Variants in SNTB1 observed in about 807,000 individuals in gnomAD.
SNTB1 encodes the protein syntrophin beta 1.
In SNTB1, 36 loss-of-function variants were observed where a neutral mutation model predicts 48.9. The observed-to-expected ratio is 0.74, with a 90% CI of 0.56 to 0.97. The LOEUF (loss-of-function observed/expected upper bound fraction) is 0.97. SNTB1 is among the 50% of genes least tolerant of loss of function. The pLI, the probability that SNTB1 is intolerant of heterozygous loss-of-function variation, is 0.00. For synonymous variants in SNTB1, 299 were observed against 294.6 expected (o/e 1.01, Z -0.15); for missense variants, 786 against 703.4 (o/e 1.12, Z -1.33).
intron 3 of SNTB1, among the ~76,000 whole-genome samples, chr8:120,590,580 A>G (rs1816222076): frequency 6.6e-6 from 1 of 151,992 alleles, no homozygotes; most frequent in Non-Finnish European, 1.5e-5. Context: ...GGCCCATCAC[A>G]TATGAAAAGA....
At chr8:120,795,503 T>C (rs1161012835) in intron 1 of SNTB1, among the ~76,000 whole-genome samples, 1 of 150,686 alleles carries the variant, frequency 6.6e-6, no homozygotes, top group Non-Finnish European at 1.5e-5. Flanking sequence ...GTGGTGTCAT[T>C]AGATATTTGA....
intron 2 of SNTB1, among the ~76,000 whole-genome samples, chr8:120,664,247 G>C (rs1196848457): frequency 6.6e-6 from 1 of 152,196 alleles, no homozygotes; most frequent in Non-Finnish European, 1.5e-5. Context: ...AGAATGAAGA[G>C]TGGGTATTCC....
chr8:120,740,643 T>C (rs537662825), intron 1 of SNTB1, among the ~76,000 whole-genome samples: 1 of 152,212 alleles, frequency 6.6e-6, no homozygotes, highest in Admixed American at 6.5e-5. Context: ...ACAGTCTCCA[T>C]AGCAGCAAAT....
intron 2 of SNTB1, among the ~76,000 whole-genome samples, chr8:120,687,135 T>C (rs1194510862): frequency 6.6e-6 from 1 of 152,192 alleles, no homozygotes; most frequent in African/African-American, 2.4e-5. Context: ...GGGGCAATAA[T>C]GTACCCCCAA....
At chr8:120,647,138 TG>T (rs1380238902) in intron 2 of SNTB1, among the ~76,000 whole-genome samples, 2 of 138,968 alleles carry the variant, frequency 1.4e-5, no homozygotes, top group African/African-American at 5.4e-5. Context: ...ATTAATTTTT[TG>T]AAGGGTTTTT....
chr8:120,754,763 C>T (rs1386237274), intron 1 of SNTB1, among the ~76,000 whole-genome samples: 1 of 152,068 alleles, frequency 6.6e-6, no homozygotes, highest in African/African-American at 2.4e-5. Context: ...GTGCCCAGGG[C>T]ACAAACAAGA....
intron 3 of SNTB1, among the ~76,000 whole-genome samples, chr8:120,600,300 C>T (rs1397695819): frequency 6.6e-6 from 1 of 152,214 alleles, no homozygotes; most frequent in Admixed American, 6.5e-5. Context: ...TGAGAGAGGC[C>T]CAAGCCATAC....
At chr8:120,571,200 G>C in intron 4 of SNTB1, 1 of 1,248,968 alleles carries the variant, frequency 8.0e-7, no homozygotes, top group Non-Finnish European at 1.0e-6. Context: ...CCTGAGAGTT[G>C]CAGAAACTAC....
chr8:120,669,917 C>T (rs76847677), intron 2 of SNTB1, among the ~76,000 whole-genome samples: 8 of 152,178 alleles, frequency 5.3e-5, no homozygotes, highest in African/African-American at 9.7e-5. Context: ...AGCTAGAAAA[C>T]GACAAGACAT....
intron 2 of SNTB1, among the ~76,000 whole-genome samples, chr8:120,681,049 T>C (rs971836451): frequency 1.3e-4 from 20 of 152,178 alleles, no homozygotes; most frequent in African/African-American, 3.9e-4. Context: ...CAGTGAAACC[T>C]CATTAATTCA....
rs141723031 is a variant in SNTB1 at position 120,691,006 on chromosome 8, G to C, written c.788+2686C>G. On this transcript the variant is annotated intron_variant, in intron 2 of 6. Transcript: ENST00000517992. ...GAACAGGCTCTCCCTCTCCCACAGGGGAAGCCCTATGTATAATCGTCAATG... is the reference window on the plus strand; with the variant it reads ...GAACAGGCTCTCCCTCTCCCACAGGCGAAGCCCTATGTATAATCGTCAATG... Among the ~76,000 whole-genome samples the C allele has an allele frequency of 5.9e-3, 896 of 152,220 alleles. 12 individuals carry two copies. In the Middle Eastern group the frequency reaches 0.095, roughly 16 times the overall value.
chr8:120,632,743 C>G (rs1817005998), intron 2 of SNTB1, 92 bp from the exon 3 acceptor site: 1 of 1,058,584 alleles, frequency 9.4e-7, no homozygotes, highest in East Asian at 2.5e-5. Context: ...ATTCTTTACT[C>G]CTTCTTTTAG....
At chr8:120,540,587 T>C (rs994351167) in intron 6 of SNTB1, among the ~76,000 whole-genome samples, 1 of 152,132 alleles carries the variant, frequency 6.6e-6, no homozygotes, top group Non-Finnish European at 1.5e-5. Context: ...GAATTAGAAA[T>C]AGTCTTAGTA....
At chr8:120,729,009 C>G (rs1286645867) in intron 1 of SNTB1, among the ~76,000 whole-genome samples, 1 of 150,330 alleles carries the variant, frequency 6.7e-6, no homozygotes, top group Non-Finnish European at 1.5e-5. Flanking sequence ...GAAATGGGGT[C>G]TCACCCTGTC....
intron 1 of SNTB1, among the ~76,000 whole-genome samples, chr8:120,725,449 A>G (rs1187279157): frequency 2.0e-5 from 3 of 152,142 alleles, no homozygotes; most frequent in South Asian, 2.1e-4. Context: ...TTTTAGGGGA[A>G]CCCAAACTTT....
intron 1 of SNTB1, among the ~76,000 whole-genome samples, chr8:120,721,472 G>A (rs914171342): frequency 6.6e-6 from 1 of 152,134 alleles, no homozygotes; most frequent in Non-Finnish European, 1.5e-5. Flanking sequence ...AAGATACTGA[G>A]GCTTACATAA....
chr8:120,572,859 G>A (rs1472562780), intron 4 of SNTB1, among the ~76,000 whole-genome samples: 1 of 152,162 alleles, frequency 6.6e-6, no homozygotes, highest in East Asian at 1.9e-4. Context: ...AGGTTGCAGT[G>A]CGCCAAGATA....
chr8:120,543,427 A>G (rs146767767), intron 5 of SNTB1, among the ~76,000 whole-genome samples: 92 of 152,214 alleles, frequency 6.0e-4, no homozygotes, highest in Non-Finnish European at 1.2e-3. Flanking sequence ...CATTTACTCC[A>G]CTCAGCTTTA....
chr8:120,767,500 A>G (rs1819546474), intron 1 of SNTB1, among the ~76,000 whole-genome samples: 1 of 152,238 alleles, frequency 6.6e-6, no homozygotes, highest in Admixed American at 6.5e-5. Context: ...GACCTTGAAA[A>G]TGTTAACAAC....
Sources: gnomAD v4.1 joint callset for allele counts (sites outside exome capture counted in the v4.1 genomes callset) on GRCh38, gnomAD v4.1.1 for gene constraint, MANE v1.5 for transcripts, NCBI Gene and HGNC (gene_info 2026-07-23, HGNC 2026-07-21) for gene names.